USP46: variants seen among roughly 807,000 people sequenced by gnomAD.
USP46 encodes ubiquitin specific peptidase 46.
A neutral mutation model predicts 44.4 loss-of-function variants in USP46; 12 were observed. The ratio of observed to expected loss-of-function variants is 0.27; its 90% CI spans 0.17 to 0.44. The LOEUF is 0.44. Ranked by LOEUF, USP46 falls within the 20% of genes least tolerant of loss-of-function variation. The pLI is 1.00. For missense variants in USP46, 248 were observed against 444.8 expected, an observed-to-expected ratio of 0.56 and a Z score of 3.98; for synonymous variants, 155 against 161.5, an observed-to-expected ratio of 0.96 and a Z score of 0.31.
intron 1 of USP46, among the ~76,000 whole-genome samples, chr4:52,642,569 C>T (rs1014541347): frequency 2.0e-5 from 3 of 152,184 alleles, no homozygotes; most frequent in East Asian, 1.9e-4. Context: ...TTCTGAAGCA[C>T]CCCTTGAAAT....
chr4:52,626,618 T>G (rs1391860549), intron 3 of USP46, among the ~76,000 whole-genome samples: 3 of 152,160 alleles, frequency 2.0e-5, no homozygotes, highest in Non-Finnish European at 4.4e-5. Context: ...CCACCGCGCC[T>G]GGCCCATACT....
chr4:52,594,845 G>T lies in USP46; in HGVS notation c.*2795C>A, dbSNP rs1402084841. On this transcript the variant is annotated 3_prime_UTR_variant, in exon 9 of 9. Transcript: ENST00000441222. ...TCCTATTCAAACTAATGCCCTGCTT[G>T]TGTTGTGCCTCACTCTCTTTAGACC... 6.6e-6 allele frequency: 1 copy of T among 152,180 alleles called. No individual in the cohort carries two copies. The highest frequency in any genetic ancestry group is 2.4e-5 in the African/African-American group (1 of 41,442). 9.4% of individuals were successfully genotyped at this position (152,180 alleles called of 1,614,324 possible). A position where few individuals can be genotyped will look rare whatever the true frequency, so the allele number is the denominator to read the frequency against.
intron 1 of USP46, among the ~76,000 whole-genome samples, chr4:52,646,276 C>T (rs1718547514): frequency 6.6e-6 from 1 of 152,164 alleles, no homozygotes; most frequent in South Asian, 2.1e-4. Context: ...TGCGGCAACC[C>T]GGCCCTCGGG....
At chr4:52,654,815 G>A (rs551430752) in intron 1 of USP46, among the ~76,000 whole-genome samples, 1 of 152,304 alleles carries the variant, frequency 6.6e-6, no homozygotes, top group Admixed American at 6.5e-5. Context: ...TTTTAAACAA[G>A]GTAGTTAGGT....
Position 52,597,630 on chromosome 4 carries a change from G to C in USP46, c.*10C>G, listed in dbSNP as rs1716299489. 6.5e-7 allele frequency: 1 copy of C among 1,547,870 alleles called. No individual in the cohort carries two copies. Among genetic ancestry groups the C allele is most frequent in the South Asian group, 1.2e-5 (1 of 84,886 alleles). ...TCTCCCCACGTGAATCAGTCCCGCA[G>C]GTCTTTCAGTTACTCTCTTGACTGA... On this transcript the variant is annotated 3_prime_UTR_variant, in exon 9 of 9. Transcript: ENST00000441222.
chr4:52,623,786 C>T (rs188751422), intron 4 of USP46, among the ~76,000 whole-genome samples: 24 of 151,904 alleles, frequency 1.6e-4, no homozygotes, highest in African/African-American at 5.1e-4. Flanking sequence ...GTTAGCCAGG[C>T]GTGGTGGTGG....
chr4:52,601,086 T>C (rs1420654666), intron 7 of USP46, among the ~76,000 whole-genome samples: 1 of 152,182 alleles, frequency 6.6e-6, no homozygotes, highest in Non-Finnish European at 1.5e-5. Flanking sequence ...GTATTCACCA[T>C]AATCCGACCT....
chr4:52,606,222 G>A (rs1716683454), intron 5 of USP46, among the ~76,000 whole-genome samples: 3 of 152,230 alleles, frequency 2.0e-5, no homozygotes, highest in Non-Finnish European at 1.5e-5. Flanking sequence ...GAGGGAAAGT[G>A]TGCCAGGTGA....
At chr4:52,645,313 G>C (rs910377948) in intron 1 of USP46, among the ~76,000 whole-genome samples, 2 of 151,350 alleles carry the variant, frequency 1.3e-5, no homozygotes, top group African/African-American at 4.9e-5. Flanking sequence ...GAAGAAAGCT[G>C]ACCTGGGATA....
intron 1 of USP46, among the ~76,000 whole-genome samples, chr4:52,632,048 G>A (rs1372745240): frequency 6.6e-6 from 1 of 151,768 alleles, no homozygotes; most frequent in African/African-American, 2.4e-5. Context: ...GAAGGGGAAA[G>A]GGAAGGGGAA....
intron 5 of USP46, 26 bp from the exon 6 acceptor site, chr4:52,604,610 T>TA (rs757519407): frequency 2.6e-6 from 4 of 1,515,438 alleles, no homozygotes; most frequent in East Asian, 2.3e-5. Context: ...TTTCCATCTT[T>TA]AAAAAATGTC....
chr4:52,644,093 G>A (rs1382578764), intron 1 of USP46, among the ~76,000 whole-genome samples: 7 of 152,090 alleles, frequency 4.6e-5, no homozygotes, highest in African/African-American at 1.7e-4. Flanking sequence ...ATATCACCAC[G>A]GAGCCCCTGT....
chr4:52,636,651 A>G (rs1718126885), intron 1 of USP46, among the ~76,000 whole-genome samples: 1 of 142,084 alleles, frequency 7.0e-6, no homozygotes, highest in African/African-American at 2.6e-5. Context: ...GGTTGCAGTG[A>G]GCCAAGATGG....
At chr4:52,627,207 G>A (rs1717629621) in intron 3 of USP46, among the ~76,000 whole-genome samples, 1 of 151,978 alleles carries the variant, frequency 6.6e-6, no homozygotes, top group Admixed American at 6.6e-5. Flanking sequence ...GTTTTAATCT[G>A]GTATGTATAA....
intron 1 of USP46, chr4:52,655,454 T>A (rs1718915224): frequency 6.6e-6 from 1 of 152,250 alleles, no homozygotes; most frequent in South Asian, 2.1e-4. Context: ...GAAATAAGAT[T>A]AGATGATCTG....
At chr4:52,608,776 A>G (rs978454437) in intron 5 of USP46, among the ~76,000 whole-genome samples, 4 of 152,188 alleles carry the variant, frequency 2.6e-5, no homozygotes, top group Non-Finnish European at 4.4e-5. Flanking sequence ...CATTGCTCCA[A>G]TGCTTCCCAA....
Position 52,610,548 on chromosome 4 carries a change from A to G in USP46, c.631T>C (p.Cys211Arg). The G allele has an allele frequency of 6.2e-7, 1 of 1,613,952 alleles. No individual in the cohort carries two copies. The highest frequency in any genetic ancestry group is 8.5e-7 in the Non-Finnish European group (1 of 1,179,838). Reference sequence around the variant, plus strand: ...GCCTCAGAGTTCATATACCTTAGACAGTGGGTAATGGATGTATTCTGCTCC... The same window carrying G: ...GCCTCAGAGTTCATATACCTTAGACGGTGGGTAATGGATGTATTCTGCTCC... The part of the protein sequence containing the change: ...DVEQNTSITH[C>R]LRDFSNTETL... Residue 211 changes from cysteine (C) to arginine (R), a missense_variant, in exon 5 of 9, where the codon TGT becomes CGT. Physicochemically the swap from Cys to Arg is radical, Grantham distance 180. Coordinates refer to ENST00000441222, the MANE Select transcript of USP46 (RefSeq NM_022832.4).
intron 1 of USP46, among the ~76,000 whole-genome samples, chr4:52,645,421 A>G (rs923981194): frequency 1.3e-5 from 2 of 152,156 alleles, no homozygotes; most frequent in African/African-American, 4.8e-5. Context: ...ATATATTTAG[A>G]GATAACAAAA....
intron 1 of USP46, among the ~76,000 whole-genome samples, chr4:52,640,806 C>CAAAA (rs757615381): frequency 1.2e-5 from 1 of 82,614 alleles, no homozygotes; most frequent in Non-Finnish European, 2.6e-5. Flanking sequence ...AACTCCATCT[C>CAAAA]AAAAAAAAAA....
Sources: gnomAD v4.1 joint callset for allele counts (sites outside exome capture counted in the v4.1 genomes callset) on GRCh38, gnomAD v4.1.1 for gene constraint, MANE v1.5 for transcripts, NCBI Gene and HGNC (gene_info 2026-07-23, HGNC 2026-07-21) for gene names.